The following KCNU1 variants were observed in gnomAD, a reference collection of about 807,000 sequenced individuals.
The protein encoded by KCNU1 is potassium calcium-activated channel subfamily U member 1.
Under a neutral mutation model 126.8 loss-of-function variants are expected in KCNU1, and 93 were observed. That is an observed-to-expected ratio of 0.73 (90% CI 0.62 to 0.87). The LOEUF (loss-of-function observed/expected upper bound fraction) is 0.87. Ranked by LOEUF, KCNU1 falls within the 40% of genes least tolerant of loss-of-function variation. The probability of loss-of-function intolerance (pLI) is 0.00; values close to 1 mark genes in which losing one functional copy is unlikely to be tolerated. For synonymous variants in KCNU1, 523 were observed against 494.2 expected (o/e 1.06, Z -0.77); for missense variants, 1,330 against 1,367.1 (o/e 0.97, Z 0.43).
chr8:36,853,299 A>G (rs1286843770), intron 18 of KCNU1, among the ~76,000 whole-genome samples: 1 of 152,206 alleles, frequency 6.6e-6, no homozygotes, highest in East Asian at 1.9e-4. Context: ...GCAGTGAGCC[A>G]AGATCATGCT....
At chr8:36,865,858 G>A (rs1309890425) in intron 19 of KCNU1, among the ~76,000 whole-genome samples, 2 of 150,584 alleles carry the variant, frequency 1.3e-5, no homozygotes, top group Non-Finnish European at 1.5e-5. Flanking sequence ...TAATAAAGAA[G>A]GAAATTCCTC....
At chr8:36,885,263 A>G (rs981312144) in intron 19 of KCNU1, among the ~76,000 whole-genome samples, 1 of 152,178 alleles carries the variant, frequency 6.6e-6, no homozygotes, top group Non-Finnish European at 1.5e-5. Context: ...ATTGTGAAAT[A>G]ACAACCAGTG....
intron 18 of KCNU1, among the ~76,000 whole-genome samples, chr8:36,859,448 A>C (rs995564821): frequency 5.3e-5 from 8 of 152,230 alleles, no homozygotes; most frequent in African/African-American, 1.9e-4. Flanking sequence ...CCCCGCTACT[A>C]TACTCAATGA....
intron 10 of KCNU1, among the ~76,000 whole-genome samples, chr8:36,827,644 T>C (rs950798471): frequency 6.6e-6 from 1 of 152,182 alleles, no homozygotes; most frequent in East Asian, 1.9e-4. Flanking sequence ...TAATTTATTA[T>C]TCTTGAAAGT....
intron 18 of KCNU1, among the ~76,000 whole-genome samples, chr8:36,846,132 G>A (rs543367986): frequency 6.6e-6 from 1 of 152,314 alleles, no homozygotes; most frequent in African/African-American, 2.4e-5. Flanking sequence ...CATTTTAAGA[G>A]ATCCAGTCAC....
At chr8:36,831,531 G>A (rs1041846705) in intron 10 of KCNU1, among the ~76,000 whole-genome samples, 1 of 151,682 alleles carries the variant, frequency 6.6e-6, no homozygotes, top group African/African-American at 2.4e-5. Context: ...ATTTTTTCAT[G>A]TGTTTTTTGG....
chr8:36,911,555 ACC>A, intron 22 of KCNU1, among the ~76,000 whole-genome samples: 1 of 152,172 alleles, frequency 6.6e-6, no homozygotes, highest in Non-Finnish European at 1.5e-5. Flanking sequence ...GAGAGAATGA[ACC>A]ATGATTCTCT....
chr8:36,922,949 C>G (rs1420588848), intron 24 of KCNU1: 2 of 499,536 alleles, frequency 4.0e-6, no homozygotes, highest in Non-Finnish European at 7.8e-6. Flanking sequence ...TCAGGAGATA[C>G]CACTTTCCCT....
chr8:36,850,988 G>T lies in KCNU1; in HGVS notation c.1891+5089G>T, dbSNP rs550911796. 2.6e-5 allele frequency among the ~76,000 whole-genome samples: 4 copies of T among 152,228 alleles called. No homozygotes were observed. In the South Asian group the frequency reaches 6.2e-4, roughly 24 times the overall value. Reference sequence around the variant, plus strand: ...ACACTGTCTTGATTACTATAGTTTTGTAGTAAGTTTGACACTGGGAACAAT... The same window carrying T: ...ACACTGTCTTGATTACTATAGTTTTTTAGTAAGTTTGACACTGGGAACAAT... On this transcript the variant is annotated intron_variant, in intron 18 of 26. Coordinates refer to ENST00000399881, the MANE Select transcript of KCNU1 (RefSeq NM_001031836.3).
At chr8:36,895,388 AT>A (rs1200032085) in intron 19 of KCNU1, among the ~76,000 whole-genome samples, 2 of 152,024 alleles carry the variant, frequency 1.3e-5, no homozygotes, top group African/African-American at 4.8e-5. Context: ...CTTTTGTGTT[AT>A]TTTAAAAACC....
Position 36,898,216 on chromosome 8 carries a change from G to A in KCNU1, c.2010-7492G>A, listed in dbSNP as rs140392000. Among the ~76,000 whole-genome samples the A allele has an allele frequency of 7.9e-5, 12 of 152,120 alleles. No individual in the cohort carries two copies. In the East Asian group the frequency reaches 2.1e-3, roughly 27 times the overall value. Reference sequence around the variant, plus strand: ...TCACAAATAACTTCCTATTTCTAGAGAAAAGACATTAAAATATTCATATAC... The same window carrying A: ...TCACAAATAACTTCCTATTTCTAGAAAAAAGACATTAAAATATTCATATAC... On this transcript the variant is annotated intron_variant, in intron 19 of 26. Coordinates refer to ENST00000399881, the MANE Select transcript of KCNU1 (RefSeq NM_001031836.3).
At chr8:36,832,896 G>T (rs529924204) in intron 10 of KCNU1, among the ~76,000 whole-genome samples, 9 of 152,056 alleles carry the variant, frequency 5.9e-5, no homozygotes, top group Admixed American at 5.9e-4. Context: ...ATAAAGAATT[G>T]TTGCAATTTC....
chr8:36,803,123 G>T (rs1229529285), intron 2 of KCNU1, among the ~76,000 whole-genome samples: 2 of 152,110 alleles, frequency 1.3e-5, no homozygotes, highest in Non-Finnish European at 2.9e-5. Context: ...TTCTGCAGAG[G>T]TCAGAGGTAG....
intron 19 of KCNU1, among the ~76,000 whole-genome samples, chr8:36,874,384 G>A (rs1275179906): frequency 6.6e-6 from 1 of 152,158 alleles, no homozygotes; most frequent in Non-Finnish European, 1.5e-5. Flanking sequence ...CAGTCCTTAT[G>A]TAAAGATAAG....
chr8:36,825,567 G>A (rs1489488321), intron 10 of KCNU1, among the ~76,000 whole-genome samples: 1 of 152,126 alleles, frequency 6.6e-6, no homozygotes, highest in African/African-American at 2.4e-5. Flanking sequence ...ATAAGTTTAA[G>A]GAGTAAAAGT....
chr8:36,893,718 C>A (rs577514252), intron 19 of KCNU1, among the ~76,000 whole-genome samples: 2 of 151,990 alleles, frequency 1.3e-5, no homozygotes, highest in East Asian at 3.9e-4. Context: ...TTTTCTTAAA[C>A]AAATACTCCT....
intron 10 of KCNU1, among the ~76,000 whole-genome samples, chr8:36,825,422 A>G (rs1462783315): frequency 6.6e-6 from 1 of 152,194 alleles, no homozygotes; most frequent in Non-Finnish European, 1.5e-5. Context: ...AAAATCTACC[A>G]ACTTTAAGTT....
intron 18 of KCNU1, among the ~76,000 whole-genome samples, chr8:36,856,625 G>A (rs920405312): frequency 1.3e-5 from 2 of 152,112 alleles, no homozygotes; most frequent in African/African-American, 4.8e-5. Flanking sequence ...TGATCTCTAT[G>A]GTAAGCTCTC....
At chr8:36,812,707 A>T (rs1263675551) in intron 7 of KCNU1, among the ~76,000 whole-genome samples, 1 of 152,158 alleles carries the variant, frequency 6.6e-6, no homozygotes, top group Non-Finnish European at 1.5e-5. Flanking sequence ...CCTTGGACTG[A>T]TGGGTCAATG....
Sources: allele counts gnomAD v4.1 joint callset (sites outside exome capture counted in the v4.1 genomes callset), GRCh38; gene constraint gnomAD v4.1.1; transcripts MANE v1.5; gene names NCBI Gene and HGNC (gene_info 2026-07-23, HGNC 2026-07-21).